SDHA: variants seen among roughly 807,000 people sequenced by gnomAD.
The protein encoded by SDHA is succinate dehydrogenase [ubiquinone] flavoprotein subunit, mitochondrial.
In SDHA, 48 loss-of-function variants were observed where a neutral mutation model predicts 78.4. That is an observed-to-expected ratio of 0.61 (90% CI 0.49 to 0.78). SDHA has a LOEUF of 0.78. Ranked by LOEUF, SDHA falls within the 30% of genes least tolerant of loss-of-function variation. SDHA has a pLI of 0.00. For missense variants in SDHA, 680 were observed against 892.7 expected (o/e 0.76, Z 3.04); for synonymous variants, 326 against 353.9 (o/e 0.92, Z 0.88).
At chr5:230,366 C>T (rs1735316870) in intron 6 of SDHA, among the ~76,000 whole-genome samples, 1 of 152,140 alleles carries the variant, frequency 6.6e-6, no homozygotes. Context: ...GTGGCTCACG[C>T]CTGTAATCCC....
chr5:226,857 A>G (rs2126553229), intron 5 of SDHA, among the ~76,000 whole-genome samples: 1 of 140,332 alleles, frequency 7.1e-6, no homozygotes, highest in South Asian at 2.4e-4. Flanking sequence ...TGAACCCAGG[A>G]GGCGGAACTT....
At chr5:265,977 C>T in the SDHA span, among the ~76,000 whole-genome samples, 1,223 of 149,920 alleles carry the variant, frequency 8.2e-3, 13 homozygotes, top group African/African-American at 0.025. Flanking sequence ...GGGGACCCTA[C>T]CCCAGATCTT....
At position 256,820 on chromosome 5, in the gene SDHA, T is replaced by A. The variant is rs960760441; in HGVS notation, c.*400T>A. The A allele has an allele frequency of 9.0e-5, 23 of 254,742 alleles. No homozygotes were observed. Among genetic ancestry groups the A allele is most frequent in the Non-Finnish European group, 1.5e-4 (21 of 140,570 alleles). The allele number at this position is 254,742 out of a possible 1,614,324, so 15.8% of individuals were successfully genotyped here. On this transcript the variant is annotated 3_prime_UTR_variant, in exon 15 of 15. Transcript: ENST00000264932. ...TATTTTGTATAGTTTCTTTTTTCTTTTTCTTTTCTTTTTTTTTTTTGAGAC... is the reference window on the plus strand; with the variant it reads ...TATTTTGTATAGTTTCTTTTTTCTTATTCTTTTCTTTTTTTTTTTTGAGAC...
the SDHA span, among the ~76,000 whole-genome samples, chr5:266,664 T>C: frequency 5.9e-5 from 9 of 152,284 alleles, no homozygotes; most frequent in African/African-American, 1.7e-4. Context: ...AAGTAGAATA[T>C]TGCCCAGAGA....
chr5:256,679 C>G lies in SDHA; in HGVS notation c.*259C>G, dbSNP rs181306980. 7.7e-5 allele frequency: 36 copies of G among 468,400 alleles called. No individual in the cohort carries two copies. The highest frequency in any genetic ancestry group is 6.6e-4 in the African/African-American group (34 of 51,440). The allele number at this position is 468,400 out of a possible 1,614,324, so 29.0% of individuals were successfully genotyped here. A position where few individuals can be genotyped will look rare whatever the true frequency, so the allele number is the denominator to read the frequency against. Reference sequence around the variant, plus strand: ...AGCTCTTAAATAAAATATAAATGAACAAACTTTCTTTTATTTCCAAATCCA... The same window carrying G: ...AGCTCTTAAATAAAATATAAATGAAGAAACTTTCTTTTATTTCCAAATCCA... On this transcript the variant is annotated 3_prime_UTR_variant, in exon 15 of 15. Transcript: ENST00000264932.
chr5:245,689 A>C (rs986834266), intron 11 of SDHA, among the ~76,000 whole-genome samples: 2 of 152,246 alleles, frequency 1.3e-5, no homozygotes, highest in African/African-American at 4.8e-5. Context: ...CTACTTGGGA[A>C]CCTTAGTAAA....
At chr5:222,532 G>T (rs1734779969) in intron 1 of SDHA, among the ~76,000 whole-genome samples, 1 of 151,920 alleles carries the variant, frequency 6.6e-6, no homozygotes. Flanking sequence ...TAGAGATGGG[G>T]TTTTGCCATG....
chr5:253,755 C>T (rs1257201524), intron 13 of SDHA, among the ~76,000 whole-genome samples: 3 of 152,086 alleles, frequency 2.0e-5, no homozygotes, highest in East Asian at 1.9e-4. Context: ...TTTAGTTGGT[C>T]ACAGTCAGTT....
chr5:218,921 G>A (rs1734549774), intron 1 of SDHA, among the ~76,000 whole-genome samples: 2 of 152,240 alleles, frequency 1.3e-5, no homozygotes, highest in African/African-American at 4.8e-5. Flanking sequence ...GCCCGGGTGG[G>A]TGCGAGGAGT....
At chr5:252,649 G>A (rs62344337) in intron 13 of SDHA, among the ~76,000 whole-genome samples, 6,251 of 104,136 alleles carry the variant, frequency 0.06, 241 homozygotes, top group African/African-American at 0.25. Flanking sequence ...TTTCAAACCT[G>A]CCCTGTGGAG....
chr5:236,757 A>AC (rs1268127938), intron 10 of SDHA, among the ~76,000 whole-genome samples, 158 bp downstream of exon 10: 3 of 152,000 alleles, frequency 2.0e-5, no homozygotes, highest in Non-Finnish European at 4.4e-5. Context: ...CAACACCTCA[A>AC]CCTTCAGAGT....
chr5:253,670 A>G (rs1392023393), intron 13 of SDHA, among the ~76,000 whole-genome samples: 1 of 152,112 alleles, frequency 6.6e-6, no homozygotes, highest in Admixed American at 6.5e-5. Flanking sequence ...CCTGACCTCA[A>G]GTGAACCACC....
chr5:227,084 C>T (rs1180164804), intron 5 of SDHA, among the ~76,000 whole-genome samples: 1 of 152,120 alleles, frequency 6.6e-6, no homozygotes, highest in African/African-American at 2.4e-5. Flanking sequence ...AATCTCAGCT[C>T]ACTGCTACTT....
chr5:251,330 G>T lies in SDHA; in HGVS notation c.1664-8G>T. ...GCCTGCCCCTGATGGAACTTTTTGT[G>T]TCCCCAGGAATGGTCTGGAACACGG... is the stretch of plus-strand genomic sequence containing the variant. On this transcript the variant is annotated splice_region_variant and splice_polypyrimidine_tract_variant and intron_variant, in intron 12 of 14. Coordinates refer to ENST00000264932, the MANE Select transcript of SDHA (RefSeq NM_004168.4). 6.2e-7 allele frequency: 1 copy of T among 1,612,040 alleles called. No homozygotes were observed. The highest frequency in any genetic ancestry group is 8.5e-7 in the Non-Finnish European group (1 of 1,179,190).
rs754893758 is a variant in SDHA, at chr5:236,491, G to T, written c.1324G>T (p.Ala442Ser). The change falls in exon 10 of 15, where the codon GCC becomes TCC. Residue 442 changes from alanine to serine, a missense_variant. Transcript: ENST00000264932. ...VPGLYACGEAACASVHGANRL... is the reference protein window; with the variant it reads ...VPGLYACGEASCASVHGANRL... ...CGGCCTGTACGCCTGTGGGGAGGCC[G>T]CCTGTGCCTCGGTACATGGTGCCAA... 1 of 1,613,852 alleles carries T rather than the reference G, an allele frequency of 6.2e-7. No individual in the cohort carries two copies. Among genetic ancestry groups the T allele is most frequent in the Non-Finnish European group, 8.5e-7 (1 of 1,179,724 alleles).
intron 11 of SDHA, among the ~76,000 whole-genome samples, chr5:240,780 T>C (rs1736090910): frequency 6.6e-6 from 1 of 152,052 alleles, no homozygotes; most frequent in African/African-American, 2.4e-5. Flanking sequence ...TGTGTGACAC[T>C]TGACCTTCTG....
At chr5:232,407 G>T (rs1735465688) in intron 7 of SDHA, among the ~76,000 whole-genome samples, 1 of 152,130 alleles carries the variant, frequency 6.6e-6, no homozygotes, top group South Asian at 2.1e-4. Context: ...TTTTGGTAGA[G>T]ACGGGATGTC....
At chr5:248,505 A>G (rs563039316) in intron 11 of SDHA, among the ~76,000 whole-genome samples, 146 of 152,340 alleles carry the variant, frequency 9.6e-4, no homozygotes, top group Non-Finnish European at 1.7e-3. Context: ...GGGCATATTT[A>G]TCAATCTTGG....
chr5:223,162 T>C (rs1196837353), intron 1 of SDHA, among the ~76,000 whole-genome samples: 3 of 152,248 alleles, frequency 2.0e-5, no homozygotes, highest in Non-Finnish European at 4.4e-5. Flanking sequence ...CTAAGTAGCA[T>C]ACATTAAGAC....
Sources: allele counts gnomAD v4.1 joint callset (sites outside exome capture counted in the v4.1 genomes callset), GRCh38; gene constraint gnomAD v4.1.1; transcripts MANE v1.5; gene names NCBI Gene and HGNC (gene_info 2026-07-23, HGNC 2026-07-21).